NTRK3: variants seen among roughly 807,000 people sequenced by gnomAD.
NTRK3 encodes neurotrophic receptor tyrosine kinase 3.
In NTRK3, 24 loss-of-function variants were observed where a neutral mutation model predicts 91.7. That is an observed-to-expected ratio of 0.26 (90% CI 0.19 to 0.37). The LOEUF is 0.37. NTRK3 is among the 10% of genes least tolerant of loss of function. The pLI, the probability that NTRK3 is intolerant of heterozygous loss-of-function variation, is 1.00. For missense variants in NTRK3, 880 were observed against 1,068.9 expected (o/e 0.82, Z 2.46); for synonymous variants, 483 against 404.0 (o/e 1.20, Z -2.34).
At chr15:87,901,515 C>T (rs1190075024) in intron 17 of NTRK3, among the ~76,000 whole-genome samples, 1 of 152,172 alleles carries the variant, frequency 6.6e-6, no homozygotes, top group Non-Finnish European at 1.5e-5. Context: ...CTCTGGCCTC[C>T]ACCATAACAG....
At position 87,892,113 on chromosome 15, in the gene NTRK3, C is replaced by CACACACACACACAT. The variant is rs1555430907; in HGVS notation, c.2134-11686_2134-11685insATGTGTGTGTGTGT. The stretch of plus-strand genomic sequence containing the variant: ...ACACACACACACACACACACACACA[C>CACACACACACACAT]GCACGCACACACCACTCTCCAAAAG... On this transcript the variant is annotated intron_variant, in intron 17 of 18. Coordinates refer to ENST00000394480, the Ensembl canonical transcript of NTRK3. Among the ~76,000 whole-genome samples the CACACACACACACAT allele has an allele frequency of 3.8e-3, 575 of 151,166 alleles. 2 individuals carry two copies. The highest frequency in any genetic ancestry group is 0.013 in the African/African-American group (517 of 41,032).
At chr15:88,156,780 G>T (rs74802943) in intron 5 of NTRK3, among the ~76,000 whole-genome samples, 1,570 of 152,288 alleles carry the variant, frequency 0.01, 18 homozygotes, top group Non-Finnish European at 0.017. Context: ...CTCCCACCAG[G>T]TTGCTTTTCT....
chr15:87,907,665 G>A (rs1485340693), intron 17 of NTRK3, among the ~76,000 whole-genome samples: 4 of 152,100 alleles, frequency 2.6e-5, no homozygotes, highest in African/African-American at 9.7e-5. Flanking sequence ...TGTCTTCTTA[G>A]TCTGGGATGG....
At chr15:88,193,744 T>C (rs11629691) in intron 3 of NTRK3, among the ~76,000 whole-genome samples, 70,113 of 152,022 alleles carry the variant, frequency 0.46, 18,843 homozygotes, top group East Asian at 0.62. Context: ...ATTCATTTTT[T>C]CTCTTCCTCT....
chr15:88,076,345 T>C (rs2047542736), intron 13 of NTRK3, among the ~76,000 whole-genome samples: 1 of 152,054 alleles, frequency 6.6e-6, no homozygotes, highest in African/African-American at 2.4e-5. Context: ...CCACAACATA[T>C]GGGAATTATA....
At chr15:88,186,233 C>T (rs1193625956) in intron 3 of NTRK3, among the ~76,000 whole-genome samples, 1 of 152,286 alleles carries the variant, frequency 6.6e-6, no homozygotes, top group Admixed American at 6.5e-5. Context: ...AACTTTTATC[C>T]AATTGTTTAA....
intron 13 of NTRK3, among the ~76,000 whole-genome samples, chr15:88,114,773 A>G (rs1009599866): frequency 6.6e-6 from 1 of 152,198 alleles, no homozygotes; most frequent in Non-Finnish European, 1.5e-5. Context: ...TGAAACTAAC[A>G]TTTTTACTCC....
intron 13 of NTRK3, among the ~76,000 whole-genome samples, chr15:88,114,025 C>A (rs760456666): frequency 5.9e-5 from 9 of 152,126 alleles, no homozygotes; most frequent in Non-Finnish European, 1.2e-4. Flanking sequence ...CCACCAACAA[C>A]AACCACACAC....
chr15:88,076,784 G>T (rs917943288), intron 13 of NTRK3, among the ~76,000 whole-genome samples: 2 of 151,944 alleles, frequency 1.3e-5, no homozygotes, highest in Admixed American at 6.6e-5. Flanking sequence ...AGCAAGCAGG[G>T]AACCACAGGT....
At chr15:87,955,958 A>G (rs1404595092) in intron 14 of NTRK3, among the ~76,000 whole-genome samples, 21 of 152,134 alleles carry the variant, frequency 1.4e-4, no homozygotes, top group Admixed American at 1.2e-3. Flanking sequence ...GCTCATCGGT[A>G]TAGAGAAGAG....
intron 14 of NTRK3, among the ~76,000 whole-genome samples, chr15:87,955,017 C>T (rs558066855): frequency 6.6e-6 from 1 of 152,332 alleles, no homozygotes; most frequent in South Asian, 2.1e-4. Flanking sequence ...TGACACCAGA[C>T]ATCTTACTCA....
At chr15:88,250,182 GC>G (rs2053210309) in intron 3 of NTRK3, among the ~76,000 whole-genome samples, 1 of 152,166 alleles carries the variant, frequency 6.6e-6, no homozygotes, top group Non-Finnish European at 1.5e-5. Context: ...GGCTGAAAGG[GC>G]CACGCCCAAG....
chr15:87,860,407 CT>C, exon 19 of NTRK3: 1 of 220,762 alleles, frequency 4.5e-6, no homozygotes, highest in Non-Finnish European at 9.1e-6. Context: ...GGGCACTTGC[CT>C]TTTCAACATA....
intron 3 of NTRK3, among the ~76,000 whole-genome samples, chr15:88,223,621 CG>C (rs1292088569): frequency 6.6e-6 from 1 of 152,206 alleles, no homozygotes; most frequent in Non-Finnish European, 1.5e-5. Flanking sequence ...ACCACTTCAT[CG>C]CTCCATGGTC....
chr15:88,011,375 T>C (rs2076869978), intron 14 of NTRK3, among the ~76,000 whole-genome samples: 1 of 152,214 alleles, frequency 6.6e-6, no homozygotes, highest in South Asian at 2.1e-4. Flanking sequence ...GTGACTCTAC[T>C]AGTAAGTCTG....
chr15:87,992,598 T>G (rs765596136), intron 14 of NTRK3, among the ~76,000 whole-genome samples: 15 of 152,268 alleles, frequency 9.9e-5, no homozygotes, highest in Non-Finnish European at 1.8e-4. Context: ...ATAAGCACTT[T>G]CACTTGCCCA....
intron 17 of NTRK3, among the ~76,000 whole-genome samples, chr15:87,902,694 T>C (rs1357826618): frequency 6.6e-6 from 1 of 152,154 alleles, no homozygotes; most frequent in Non-Finnish European, 1.5e-5. Flanking sequence ...GCCTTTTTGC[T>C]TAAGGTAGAG....
At chr15:87,954,871 G>A (rs1010015165) in intron 14 of NTRK3, among the ~76,000 whole-genome samples, 1 of 152,182 alleles carries the variant, frequency 6.6e-6, no homozygotes. Context: ...CACAGCGTCT[G>A]TCTTTTTTAG....
chr15:87,979,879 G>A (rs1024917588), intron 14 of NTRK3, among the ~76,000 whole-genome samples: 5 of 152,124 alleles, frequency 3.3e-5, no homozygotes, highest in Non-Finnish European at 5.9e-5. Flanking sequence ...GGGAGGAGAA[G>A]GCTATGCTTT....
Sources: gnomAD v4.1 joint callset for allele counts (sites outside exome capture counted in the v4.1 genomes callset) on GRCh38, gnomAD v4.1.1 for gene constraint, MANE v1.5 for transcripts, NCBI Gene and HGNC (gene_info 2026-07-23, HGNC 2026-07-21) for gene names.